ST6GALNAC3: variants seen among roughly 807,000 people sequenced by gnomAD.
The protein encoded by ST6GALNAC3 is alpha-N-acetylgalactosaminide alpha-2,6-sialyltransferase 3.
A neutral mutation model predicts 32.7 loss-of-function variants in ST6GALNAC3; 25 were observed. The ratio of observed to expected loss-of-function variants is 0.76; its 90% confidence interval spans 0.56 to 1.07. The LOEUF is 1.07. Ranked by LOEUF, ST6GALNAC3 falls within the 50% of genes least tolerant of loss-of-function variation. The pLI is 0.00. For synonymous variants in ST6GALNAC3, 129 were observed against 133.1 expected (o/e 0.97, Z 0.21); for missense variants, 355 against 382.4 (o/e 0.93, Z 0.60).
intron 3 of ST6GALNAC3, among the ~76,000 whole-genome samples, chr1:76,452,641 G>A (rs1475662759): frequency 6.6e-6 from 1 of 152,180 alleles, no homozygotes; most frequent in Non-Finnish European, 1.5e-5. Context: ...CTTGATCATG[G>A]TGGATTATCT....
At chr1:76,426,147 A>G (rs528835014) in intron 3 of ST6GALNAC3, among the ~76,000 whole-genome samples, 13 of 151,456 alleles carry the variant, frequency 8.6e-5, no homozygotes, top group African/African-American at 3.1e-4. Flanking sequence ...TCCCACCCCC[A>G]ACTCTCCCTT....
At position 76,136,024 on chromosome 1, in the gene ST6GALNAC3, C is replaced by T. The variant is rs75688759; in HGVS notation, c.18+61140C>T. 1.1e-3 allele frequency among the ~76,000 whole-genome samples: 165 copies of T among 152,296 alleles called. 1 individual carries two copies. Among genetic ancestry groups the T allele is most frequent in the African/African-American group, 3.7e-3 (153 of 41,564 alleles). ...TGAGACCAGGTCTTTGGTGCTTGCT[C>T]ATGTGCAGTCTGGAATCAGCTGCAC... On this transcript the variant is annotated intron_variant, in intron 1 of 4. Transcript: ENST00000328299.
intron 1 of ST6GALNAC3, among the ~76,000 whole-genome samples, chr1:76,102,219 T>C (rs779765038): frequency 1.4e-5 from 2 of 144,746 alleles, no homozygotes; most frequent in Non-Finnish European, 3.0e-5. Context: ...TTTCAGTTAG[T>C]ATTTGCCTGG....
At chr1:76,250,873 T>C (rs1023230172) in intron 1 of ST6GALNAC3, among the ~76,000 whole-genome samples, 5 of 152,204 alleles carry the variant, frequency 3.3e-5, no homozygotes, top group African/African-American at 1.2e-4. Context: ...TAGCATATTC[T>C]GACTTCAGTC....
chr1:76,562,838 TG>T (rs1277929666), intron 3 of ST6GALNAC3, among the ~76,000 whole-genome samples: 25 of 152,214 alleles, frequency 1.6e-4, no homozygotes, highest in African/African-American at 5.8e-4. Flanking sequence ...TTAGAATTTT[TG>T]AAAATCTAAA....
chr1:76,472,134 G>A (rs529307029), intron 3 of ST6GALNAC3, among the ~76,000 whole-genome samples: 10 of 152,152 alleles, frequency 6.6e-5, no homozygotes, highest in East Asian at 3.9e-4. Context: ...TGAAATGGCC[G>A]ACATTTTAGG....
chr1:76,582,634 A>G (rs1646907828), intron 3 of ST6GALNAC3, among the ~76,000 whole-genome samples: 1 of 152,316 alleles, frequency 6.6e-6, no homozygotes, highest in African/African-American at 2.4e-5. Context: ...GGAGTTCATT[A>G]TCACAGAATG....
chr1:76,167,161 G>A (rs1219059361), intron 1 of ST6GALNAC3, among the ~76,000 whole-genome samples: 1 of 152,146 alleles, frequency 6.6e-6, no homozygotes, highest in Non-Finnish European at 1.5e-5. Context: ...TTATTATTTT[G>A]AGGTATATTC....
At chr1:76,570,547 T>G (rs1350685753) in intron 3 of ST6GALNAC3, among the ~76,000 whole-genome samples, 2 of 152,086 alleles carry the variant, frequency 1.3e-5, no homozygotes, top group Non-Finnish European at 2.9e-5. Flanking sequence ...AGTATGTACC[T>G]TCAATGTCTT....
At chr1:76,483,545 A>G (rs1247188511) in intron 3 of ST6GALNAC3, among the ~76,000 whole-genome samples, 2 of 152,024 alleles carry the variant, frequency 1.3e-5, no homozygotes, top group East Asian at 3.9e-4. Flanking sequence ...GTCTGTTCAT[A>G]TCCTTTGCCC....
chr1:76,541,307 G>A (rs1663975680), intron 3 of ST6GALNAC3, among the ~76,000 whole-genome samples: 1 of 152,132 alleles, frequency 6.6e-6, no homozygotes, highest in East Asian at 1.9e-4. Flanking sequence ...AAGGGTCAGA[G>A]AGAACAGTGA....
chr1:76,401,635 C>T (rs61771518), intron 2 of ST6GALNAC3, among the ~76,000 whole-genome samples: 23,622 of 152,018 alleles, frequency 0.16, 2,184 homozygotes, highest in Admixed American at 0.2. Context: ...TATCTTCCTC[C>T]AGAGGAGATT....
chr1:76,296,986 A>G (rs751203883), intron 1 of ST6GALNAC3, among the ~76,000 whole-genome samples: 9 of 152,002 alleles, frequency 5.9e-5, no homozygotes, highest in African/African-American at 1.2e-4. Flanking sequence ...TTTTGTATTA[A>G]ATGGTCATTG....
chr1:76,637,035 T>G (rs1303391896), downstream of ST6GALNAC3: 1 of 152,102 alleles, frequency 6.6e-6, no homozygotes, highest in Non-Finnish European at 1.5e-5. Context: ...TTAATCAGAG[T>G]GGTGGCTCTC....
At chr1:76,392,205 T>A (rs1240954965) in intron 2 of ST6GALNAC3, among the ~76,000 whole-genome samples, 1 of 152,114 alleles carries the variant, frequency 6.6e-6, no homozygotes. Flanking sequence ...TGAGAGCTGC[T>A]TTTTTTTAGA....
chr1:76,635,476 A>C (rs984982042), downstream of ST6GALNAC3, among the ~76,000 whole-genome samples: 1 of 152,174 alleles, frequency 6.6e-6, no homozygotes, highest in African/African-American at 2.4e-5. Flanking sequence ...CTCATATATA[A>C]GGAAATTGAA....
At chr1:76,477,176 T>A (rs1659406479) in intron 3 of ST6GALNAC3, among the ~76,000 whole-genome samples, 1 of 152,194 alleles carries the variant, frequency 6.6e-6, no homozygotes, top group South Asian at 2.1e-4. Flanking sequence ...CTTTGAAATA[T>A]TTATCCTTGG....
chr1:76,451,441 T>G (rs1414943194), intron 3 of ST6GALNAC3, among the ~76,000 whole-genome samples: 1 of 152,164 alleles, frequency 6.6e-6, no homozygotes, highest in Admixed American at 6.5e-5. Context: ...CCCCTGTGAT[T>G]CAGTTACCTC....
chr1:76,125,358 C>T (rs752140363), intron 1 of ST6GALNAC3, among the ~76,000 whole-genome samples: 5 of 152,170 alleles, frequency 3.3e-5, no homozygotes, highest in African/African-American at 1.2e-4. Context: ...TCAGTGGCTG[C>T]TGGTTGGCTC....
Sources: allele counts gnomAD v4.1 joint callset (sites outside exome capture counted in the v4.1 genomes callset), GRCh38; gene constraint gnomAD v4.1.1; transcripts MANE v1.5; gene names NCBI Gene and HGNC (gene_info 2026-07-23, HGNC 2026-07-21).